ESRRG: variants seen among roughly 807,000 people sequenced by gnomAD.
ESRRG encodes estrogen related receptor gamma.
Under a neutral mutation model 44.0 loss-of-function variants are expected in ESRRG, and 13 were observed. The ratio of observed to expected loss-of-function variants is 0.30; its 90% CI spans 0.19 to 0.47. The LOEUF (loss-of-function observed/expected upper bound fraction) is 0.47. Among genes scored for constraint, ESRRG ranks in the 20% least tolerant of loss-of-function variants. The pLI is 1.00. For synonymous variants in ESRRG, 215 were observed against 214.6 expected, an observed-to-expected ratio of 1.00 and a Z score of -0.02; for missense variants, 395 against 580.6, an observed-to-expected ratio of 0.68 and a Z score of 3.29.
chr1:216,922,633 T>C (rs561113567), intron 2 of ESRRG, among the ~76,000 whole-genome samples: 22 of 152,194 alleles, frequency 1.4e-4, no homozygotes, highest in Non-Finnish European at 3.2e-4. Flanking sequence ...ATTTCAACTT[T>C]GGTCCCCGAG....
chr1:217,123,514 C>G (rs1313437623), intron 1 of ESRRG, among the ~76,000 whole-genome samples: 1 of 152,044 alleles, frequency 6.6e-6, no homozygotes, highest in Admixed American at 6.6e-5. Flanking sequence ...AAATGCTGAT[C>G]AATGATAGAC....
chr1:217,094,513 C>G (rs547830157), upstream of ESRRG, among the ~76,000 whole-genome samples: 1 of 152,290 alleles, frequency 6.6e-6, no homozygotes, highest in East Asian at 1.9e-4. Flanking sequence ...AACTCATTGA[C>G]TTTCTCATCA....
rs550190384 is a variant in ESRRG, at chr1:216,614,339, T to C, written c.589+36634A>G. ...TTTGTGACCCTCTGTGACATCCTCTTTCTCTTTTTTTTTTGACATTTGAAT... is the reference window on the plus strand; with the variant it reads ...TTTGTGACCCTCTGTGACATCCTCTCTCTCTTTTTTTTTTGACATTTGAAT... On this transcript the variant is annotated intron_variant, in intron 3 of 6. Transcript: ENST00000408911. Among the ~76,000 whole-genome samples the C allele has an allele frequency of 5.1e-3, 474 of 93,612 alleles. 3 individuals carry two copies. The highest frequency in any genetic ancestry group is 0.019 in the African/African-American group (442 of 23,046). 61.4% of individuals were successfully genotyped at this position (93,612 alleles called of 152,430 possible).
chr1:216,932,528 T>C (rs1235593953), intron 2 of ESRRG, among the ~76,000 whole-genome samples: 1 of 151,854 alleles, frequency 6.6e-6, no homozygotes, highest in African/African-American at 2.4e-5. Flanking sequence ...ACAATTTTGG[T>C]AGGGGTGTGT....
intron 1 of ESRRG, among the ~76,000 whole-genome samples, chr1:217,104,659 G>T: frequency 6.6e-6 from 1 of 152,152 alleles, no homozygotes; most frequent in East Asian, 1.9e-4. Context: ...TGAAGTCACA[G>T]AACTGGAATG....
chr1:216,584,397 C>T (rs911446320), intron 3 of ESRRG, among the ~76,000 whole-genome samples: 2 of 151,918 alleles, frequency 1.3e-5, no homozygotes, highest in Non-Finnish European at 2.9e-5. Context: ...GCTGGGACTA[C>T]AGGCGCCCGC....
At chr1:216,719,623 A>C (rs576196720) in intron 1 of ESRRG, among the ~76,000 whole-genome samples, 14 of 151,752 alleles carry the variant, frequency 9.2e-5, no homozygotes, top group African/African-American at 2.9e-4. Flanking sequence ...TAAAATGACC[A>C]ATATATATTA....
intron 3 of ESRRG, among the ~76,000 whole-genome samples, chr1:216,639,379 A>T (rs1168233288): frequency 3.3e-5 from 5 of 152,144 alleles, no homozygotes; most frequent in Non-Finnish European, 7.3e-5. Flanking sequence ...TTAATTGGAC[A>T]ATCCAGGGAG....
Position 216,951,765 on chromosome 1 carries a change from C to CA in ESRRG, c.-105-12093dup, listed in dbSNP as rs2067002787. Among the ~76,000 whole-genome samples, 7 of 135,248 alleles carry CA rather than the reference C, an allele frequency of 5.2e-5. No individual in the cohort carries two copies. In the East Asian group the frequency reaches 1.6e-3, roughly 31 times the overall value. 88.7% of individuals were successfully genotyped at this position (135,248 alleles called of 152,430 possible). ...TGTGTGTGTGTGTGTGTGTATACAG[C>CA]AAAAAATAAAAGCTTGCATTAAATA... On this transcript the variant is annotated intron_variant, in intron 1 of 7. Coordinates refer to the ESRRG transcript ENST00000359162.
intron 2 of ESRRG, among the ~76,000 whole-genome samples, chr1:216,731,854 C>G (rs1212404353): frequency 6.6e-6 from 1 of 152,172 alleles, no homozygotes; most frequent in Non-Finnish European, 1.5e-5. Context: ...TCCAATCAAA[C>G]TGTGTTACCG....
chr1:216,947,082 A>C (rs1411939787), intron 1 of ESRRG, among the ~76,000 whole-genome samples: 1 of 151,852 alleles, frequency 6.6e-6, no homozygotes, highest in Non-Finnish European at 1.5e-5. Context: ...CTTAGCATCT[A>C]TTTTTTTTAA....
At chr1:216,847,801 TG>T (rs1340113921) in intron 2 of ESRRG, among the ~76,000 whole-genome samples, 1 of 152,092 alleles carries the variant, frequency 6.6e-6, no homozygotes, top group Non-Finnish European at 1.5e-5. Flanking sequence ...ATACAGACAT[TG>T]GGCATCTGGT....
intron 2 of ESRRG, among the ~76,000 whole-genome samples, chr1:216,835,275 T>A (rs2095546777): frequency 6.6e-6 from 1 of 152,100 alleles, no homozygotes; most frequent in African/African-American, 2.4e-5. Flanking sequence ...TCATAGCAGA[T>A]TCAGAGACAC....
chr1:217,003,231 C>T (rs544963783), intron 1 of ESRRG, among the ~76,000 whole-genome samples: 1 of 152,110 alleles, frequency 6.6e-6, no homozygotes, highest in South Asian at 2.1e-4. Context: ...TTGGAGAAAG[C>T]ATGGACTTTG....
At chr1:216,778,698 C>T (rs1019147579) in intron 2 of ESRRG, among the ~76,000 whole-genome samples, 8 of 151,938 alleles carry the variant, frequency 5.3e-5, no homozygotes, top group Non-Finnish European at 1.2e-4. Context: ...ATTGTACACC[C>T]ACTGCAAAAT....
intron 1 of ESRRG, among the ~76,000 whole-genome samples, chr1:217,115,344 C>A (rs183587588): frequency 2.9e-4 from 44 of 152,286 alleles, no homozygotes; most frequent in Admixed American, 9.2e-4. Flanking sequence ...CTCATCCATG[C>A]ATGATCCAGA....
chr1:216,662,225 G>C (rs1397277750), intron 2 of ESRRG, among the ~76,000 whole-genome samples: 1 of 152,132 alleles, frequency 6.6e-6, no homozygotes, highest in Non-Finnish European at 1.5e-5. Context: ...CAGCACAGAA[G>C]TAAGGAAGTG....
chr1:216,813,808 T>C lies in ESRRG; in HGVS notation c.-14+125774A>G, dbSNP rs776437588. 6.2e-4 allele frequency among the ~76,000 whole-genome samples: 94 copies of C among 152,318 alleles called. 1 individual carries two copies. The highest frequency in any genetic ancestry group is 4.3e-4 in the Non-Finnish European group (29 of 68,022). On this transcript the variant is annotated intron_variant, in intron 2 of 7. Transcript: ENST00000359162. ...TTTGTACTACAAAGTCCTGCTTATG[T>C]CGGGGGGACATCACTCAGAAAACAC...
intron 2 of ESRRG, among the ~76,000 whole-genome samples, chr1:216,853,721 T>A (rs943426709): frequency 2.6e-5 from 4 of 152,330 alleles, no homozygotes; most frequent in African/African-American, 7.2e-5. Flanking sequence ...CAGTAAAGCA[T>A]TCATTTCTGC....
Sources: gnomAD v4.1 joint callset for allele counts (sites outside exome capture counted in the v4.1 genomes callset) on GRCh38, gnomAD v4.1.1 for gene constraint, MANE v1.5 for transcripts, NCBI Gene and HGNC (gene_info 2026-07-23, HGNC 2026-07-21) for gene names.